DPP10: variants seen among roughly 807,000 people sequenced by gnomAD.
The protein encoded by DPP10 is dipeptidyl peptidase like 10.
DPP10 carries 33 observed loss-of-function variants against 120.9 expected under a neutral mutation model. That is an observed-to-expected ratio of 0.27 (90% CI 0.21 to 0.37). DPP10 has a LOEUF of 0.37. Among genes scored for constraint, DPP10 ranks in the 10% least tolerant of loss-of-function variants. DPP10 has a pLI of 1.00. For missense variants in DPP10, 816 were observed against 942.8 expected (o/e 0.87, Z 1.76); for synonymous variants, 337 against 326.1 (o/e 1.03, Z -0.36).
intron 1 of DPP10, among the ~76,000 whole-genome samples, chr2:114,611,612 G>T (rs889662867): frequency 2.0e-5 from 3 of 152,166 alleles, no homozygotes; most frequent in African/African-American, 7.2e-5. Context: ...TATGCCAATG[G>T]ATACATTTGA....
chr2:114,713,310 C>T (rs13022000), intron 1 of DPP10, among the ~76,000 whole-genome samples: 23,161 of 152,002 alleles, frequency 0.15, 2,501 homozygotes, highest in African/African-American at 0.31. Context: ...AAAATTCTGA[C>T]GCAGTCTTTC....
intron 1 of DPP10, among the ~76,000 whole-genome samples, chr2:114,682,264 G>A (rs1699075020): frequency 6.6e-6 from 1 of 151,836 alleles, no homozygotes; most frequent in African/African-American, 2.4e-5. Context: ...AGATCATTAT[G>A]AATTTGAAAT....
At chr2:115,629,148 T>C (rs995518883) in intron 5 of DPP10, among the ~76,000 whole-genome samples, 20 of 152,224 alleles carry the variant, frequency 1.3e-4, no homozygotes, top group Non-Finnish European at 2.1e-4. Context: ...CACGAACTCA[T>C]CCTTTTTTAT....
At chr2:115,344,485 T>A (rs2063613294) in intron 3 of DPP10, among the ~76,000 whole-genome samples, 1 of 152,196 alleles carries the variant, frequency 6.6e-6, no homozygotes, top group Non-Finnish European at 1.5e-5. Context: ...CTGTGGCTTT[T>A]CTTTTTAAGC....
At chr2:115,497,121 C>T (rs2076440190) in intron 3 of DPP10, among the ~76,000 whole-genome samples, 1 of 152,006 alleles carries the variant, frequency 6.6e-6, no homozygotes, top group Admixed American at 6.6e-5. Flanking sequence ...CTTGTGACCT[C>T]TGGCCACATG....
At chr2:115,483,657 G>A (rs942096861) in intron 3 of DPP10, among the ~76,000 whole-genome samples, 2 of 152,032 alleles carry the variant, frequency 1.3e-5, no homozygotes, top group African/African-American at 4.8e-5. Flanking sequence ...AACAACCACA[G>A]CAATAAAAAA....
At chr2:115,537,092 G>C (rs1040689269) in intron 5 of DPP10, among the ~76,000 whole-genome samples, 1 of 151,910 alleles carries the variant, frequency 6.6e-6, no homozygotes, top group African/African-American at 2.4e-5. Flanking sequence ...ATAATATCAT[G>C]TTCTCATTTT....
chr2:114,865,928 C>A (rs1436747916), intron 1 of DPP10, among the ~76,000 whole-genome samples: 1 of 152,020 alleles, frequency 6.6e-6, no homozygotes, highest in Non-Finnish European at 1.5e-5. Context: ...GCCTGACCAA[C>A]ATGGAGAAAT....
At chr2:114,833,556 A>G (rs2106410474) in intron 1 of DPP10, 1 of 152,298 alleles carries the variant, frequency 6.6e-6, no homozygotes, top group East Asian at 1.9e-4. Flanking sequence ...TATAGTGCTA[A>G]CAGGGAATAT....
At chr2:115,314,470 C>T (rs564792122) in intron 2 of DPP10, among the ~76,000 whole-genome samples, 13 of 152,156 alleles carry the variant, frequency 8.5e-5, no homozygotes, top group Admixed American at 3.3e-4. Context: ...TCCTTTAGTA[C>T]ACTTTTTAGG....
intron 1 of DPP10, among the ~76,000 whole-genome samples, chr2:114,511,579 C>T (rs1375805966): frequency 1.3e-5 from 2 of 152,140 alleles, no homozygotes; most frequent in East Asian, 3.8e-4. Flanking sequence ...ATCAGGGAAG[C>T]CCAAAAACCA....
intron 1 of DPP10, among the ~76,000 whole-genome samples, chr2:114,692,450 G>C (rs1699818595): frequency 6.6e-6 from 1 of 151,998 alleles, no homozygotes; most frequent in Admixed American, 6.6e-5. Context: ...CTAAGAGACT[G>C]TTTGTTATGA....
chr2:114,649,015 T>C (rs2105473073), intron 1 of DPP10, among the ~76,000 whole-genome samples: 1 of 152,356 alleles, frequency 6.6e-6, no homozygotes, highest in East Asian at 1.9e-4. Flanking sequence ...GCATTAGTGC[T>C]ATAAAGCCAC....
At chr2:115,579,123 G>A (rs1265391484) in intron 5 of DPP10, 2 of 152,168 alleles carry the variant, frequency 1.3e-5, no homozygotes, top group African/African-American at 4.8e-5. Context: ...GGAGAGCAAT[G>A]GAGACAGAGT....
chr2:115,770,196 C>T (rs1333471287), intron 13 of DPP10, among the ~76,000 whole-genome samples: 1 of 151,924 alleles, frequency 6.6e-6, no homozygotes, highest in Non-Finnish European at 1.5e-5. Context: ...AAAAGTATGG[C>T]GTTGGGTAGG....
intron 1 of DPP10, among the ~76,000 whole-genome samples, chr2:114,852,632 CG>C (rs1428821171): frequency 6.6e-6 from 1 of 151,774 alleles, no homozygotes; most frequent in African/African-American, 2.4e-5. Context: ...GCGGCGGGGG[CG>C]GGGGTCTGAA....
chr2:115,411,002 G>A (rs2068911842), intron 3 of DPP10, among the ~76,000 whole-genome samples: 1 of 151,904 alleles, frequency 6.6e-6, no homozygotes, highest in African/African-American at 2.4e-5. Context: ...AATATCAAGA[G>A]CCGTAGTATG....
rs113534386 is a variant in DPP10, at chr2:114,668,371, C to T, written c.60+225533C>T. 4.6e-5 allele frequency among the ~76,000 whole-genome samples: 7 copies of T among 152,296 alleles called. 1 individual carries two copies. The highest frequency in any genetic ancestry group is 1.7e-4 in the African/African-American group (7 of 41,568). On this transcript the variant is annotated intron_variant, in intron 1 of 25. Coordinates refer to ENST00000410059, the MANE Select transcript of DPP10 (RefSeq NM_020868.6). ...TCCTAGCGCAGAAAGAAAGAGAGAT[C>T]TTCCTCCACCTTTTTATTCTCTTCA... is the stretch of plus-strand genomic sequence containing the variant.
At chr2:115,737,619 T>A (rs558785176) in intron 8 of DPP10, among the ~76,000 whole-genome samples, 1 of 151,954 alleles carries the variant, frequency 6.6e-6, no homozygotes, top group South Asian at 2.1e-4. Context: ...ATAGAGGAGG[T>A]TGCAACATGG....
Sources: allele counts gnomAD v4.1 joint callset (sites outside exome capture counted in the v4.1 genomes callset), GRCh38; gene constraint gnomAD v4.1.1; transcripts MANE v1.5; gene names NCBI Gene and HGNC (gene_info 2026-07-23, HGNC 2026-07-21).